The following SLX4 variants were observed in gnomAD, a reference collection of about 807,000 sequenced individuals.
The protein encoded by SLX4 is structure-specific endonuclease subunit SLX4.
A neutral mutation model predicts 146.2 loss-of-function variants in SLX4; 112 were observed. The ratio of observed to expected loss-of-function variants is 0.77; its 90% CI spans 0.66 to 0.90. The LOEUF (loss-of-function observed/expected upper bound fraction) is 0.90. Ranked by LOEUF, SLX4 falls within the 40% of genes least tolerant of loss-of-function variation. The pLI, the probability that SLX4 is intolerant of heterozygous loss-of-function variation, is 0.00. For synonymous variants in SLX4, 1,061 were observed against 997.7 expected, an observed-to-expected ratio of 1.06 and a Z score of -1.20; for missense variants, 2,563 against 2,392.7, an observed-to-expected ratio of 1.07 and a Z score of -1.49.
At position 3,589,939 on chromosome 16, in the gene SLX4, C is replaced by T. The variant is rs753726036; in HGVS notation, c.3699G>A (p.Gly1233=). 1.9e-6 allele frequency: 3 copies of T among 1,613,894 alleles called. No homozygotes were observed. The highest frequency in any genetic ancestry group is 1.1e-5 in the South Asian group (1 of 91,072). ...PENRGSLGRR[G]APWLFCDRES... ...CACGGTCACAGAACAGCCAGGGAGCCCCTCTCCTGCCCAAAGAGCCCCGAT... is the reference window on the plus strand; with the variant it reads ...CACGGTCACAGAACAGCCAGGGAGCTCCTCTCCTGCCCAAAGAGCCCCGAT... The change falls in exon 12 of 15, where the codon GGG becomes GGA. Residue 1233 remains glycine, a synonymous_variant. Transcript: ENST00000294008. The surrounding 1 kb of genome is among the most constrained non-coding windows in gnomAD (Gnocchi z 6.2).
intron 12 of SLX4, among the ~76,000 whole-genome samples, chr16:3,587,782 G>A (rs935639995): frequency 6.6e-6 from 1 of 152,186 alleles, no homozygotes. Flanking sequence ...CCTGAGGGCC[G>A]AGGACACTAT....
Position 3,582,700 on chromosome 16 carries a change from A to C in SLX4, c.5154-7T>G, listed in dbSNP as rs773497338. 1 of 1,609,572 alleles carries C rather than the reference A, an allele frequency of 6.2e-7. No homozygotes were observed. Among genetic ancestry groups the C allele is most frequent in the East Asian group, 2.2e-5 (1 of 44,850 alleles). ...AAACTCACAGGAGGAAGAACTGAAAAGAGCCAGACCAGGACGTTGTGCAAC... is the reference window on the plus strand; with the variant it reads ...AAACTCACAGGAGGAAGAACTGAAACGAGCCAGACCAGGACGTTGTGCAAC... On this transcript the variant is annotated splice_region_variant and splice_polypyrimidine_tract_variant and intron_variant, in intron 14 of 14. Coordinates refer to ENST00000294008, the MANE Select transcript of SLX4 (RefSeq NM_032444.4).
chr16:3,590,176 T>C lies in SLX4; in HGVS notation c.3462A>G (p.Leu1154=). The C allele has an allele frequency of 6.2e-7, 1 of 1,614,152 alleles. No homozygotes were observed. Among genetic ancestry groups the C allele is most frequent in the Non-Finnish European group, 8.5e-7 (1 of 1,180,008 alleles). Residue 1154 remains leucine (L), a synonymous_variant, in exon 12 of 15, where the codon TTA becomes TTG. Coordinates refer to ENST00000294008, the MANE Select transcript of SLX4 (RefSeq NM_032444.4). The surrounding 1 kb of genome is among the most constrained non-coding windows in gnomAD (Gnocchi z 4.8). ...GCTCCAGCTCCTCATCCGAGTCCAGTAAGAGGATGACCTCATCTTCTTCGT... is the reference window on the plus strand; with the variant it reads ...GCTCCAGCTCCTCATCCGAGTCCAGCAAGAGGATGACCTCATCTTCTTCGT... ...KLNEEDEVIL[L]LDSDEELELE... is the part of the protein sequence containing the mutation.
Position 3,597,668 on chromosome 16 carries a change from G to A in SLX4, c.1394C>T (p.Pro465Leu), listed in dbSNP as rs372128800. The A allele has an allele frequency of 5.1e-5, 82 of 1,613,776 alleles. No homozygotes were observed. The highest frequency in any genetic ancestry group is 4.5e-4 in the African/African-American group (34 of 74,888). Residue 465 changes from proline (P) to leucine (L), a missense_variant, in exon 7 of 15, where the codon CCG (proline) becomes CTG (leucine). Pro to Leu is a moderately conservative substitution (Grantham distance 98). Coordinates refer to ENST00000294008, the MANE Select transcript of SLX4 (RefSeq NM_032444.4). This position sits in a 1 kb window ranked among gnomAD's most constrained non-coding sequence, Gnocchi z 4.4. ...AENKSRKKKP[P>L]VSPPLLLVQD... ...GACTAACAACAATGGGGGGGATACC[G>A]GGGGTTTCTTCTTGCGACTTTTATT...
Position 3,582,322 on chromosome 16 carries a change from G to T in SLX4, c.*20C>A. 6.3e-7 allele frequency: 1 copy of T among 1,599,362 alleles called. No individual in the cohort carries two copies. The highest frequency in any genetic ancestry group is 1.1e-5 in the South Asian group (1 of 90,812). On this transcript the variant is annotated 3_prime_UTR_variant, in exon 15 of 15. Coordinates refer to ENST00000294008, the MANE Select transcript of SLX4 (RefSeq NM_032444.4). The stretch of plus-strand genomic sequence containing the variant: ...TGGGGGCTGCTGATGGCAGGTTGGG[G>T]TGGGGTCGGGATGGCCCCATCAGTT...
Position 3,609,064 on chromosome 16 carries a change from C to A in SLX4, c.-100G>T, listed in dbSNP as rs889858186. 3 of 1,404,832 alleles carry A rather than the reference C, an allele frequency of 2.1e-6. No homozygotes were observed. Among genetic ancestry groups the A allele is most frequent in the African/African-American group, 2.8e-5 (2 of 70,442 alleles). The allele number at this position is 1,404,832 out of a possible 1,614,324, so 87.0% of individuals were successfully genotyped here. ...CTATAATGATTGAAGTATCTTTGTT[C>A]AAATTGGGCCTGTGGTTAAACATGT... On this transcript the variant is annotated 5_prime_UTR_variant, in exon 2 of 15. Coordinates refer to ENST00000294008, the MANE Select transcript of SLX4 (RefSeq NM_032444.4).
At chr16:3,596,511 C>T in intron 7 of SLX4, 118 bp from the exon 8 acceptor site, 2 of 1,282,882 alleles carry the variant, frequency 1.6e-6, no homozygotes, top group Non-Finnish European at 2.1e-6. Context: ...AGGATGTGGG[C>T]TGTGGGGACA....
chr16:3,603,213 G>C (rs1414138345), intron 3 of SLX4, among the ~76,000 whole-genome samples: 1 of 152,146 alleles, frequency 6.6e-6, no homozygotes, highest in Admixed American at 6.5e-5. Flanking sequence ...ACCACACCTG[G>C]CTAATTTTTA....
At chr16:3,595,356 G>A (rs2040639228) in intron 9 of SLX4, among the ~76,000 whole-genome samples, 1 of 152,224 alleles carries the variant, frequency 6.6e-6, no homozygotes, top group Non-Finnish European at 1.5e-5. Context: ...ACCCCAAGGT[G>A]CCCCATGGAG....
intron 11 of SLX4, among the ~76,000 whole-genome samples, chr16:3,592,380 C>T (rs1479883443): frequency 1.3e-5 from 2 of 152,236 alleles, no homozygotes; most frequent in Non-Finnish European, 2.9e-5. Context: ...GGAACAATCA[C>T]TGAGCAGCAG....
Position 3,592,875 on chromosome 16 carries a change from A to T in SLX4, c.2161-10T>A. The T allele has an allele frequency of 6.2e-7, 1 of 1,608,274 alleles. No individual in the cohort carries two copies. Among genetic ancestry groups the T allele is most frequent in the Non-Finnish European group, 8.5e-7 (1 of 1,177,368 alleles). ...AGCCTTCATTGTTCACCTGCAGGTGAAATGCAACACAGAGGGTTTACTGAT... is the reference window on the plus strand; with the variant it reads ...AGCCTTCATTGTTCACCTGCAGGTGTAATGCAACACAGAGGGTTTACTGAT... On this transcript the variant is annotated splice_polypyrimidine_tract_variant and intron_variant, in intron 10 of 14. Coordinates refer to ENST00000294008, the MANE Select transcript of SLX4 (RefSeq NM_032444.4).
intron 2 of SLX4, among the ~76,000 whole-genome samples, chr16:3,607,436 AG>A (rs2040799509): frequency 6.6e-6 from 1 of 152,232 alleles, no homozygotes; most frequent in African/African-American, 2.4e-5. Context: ...TATATATGCA[AG>A]GGTAGTTTTC....
chr16:3,588,871 C>T (rs1240169847), intron 12 of SLX4, 131 bp downstream of exon 12: 13 of 1,134,626 alleles, frequency 1.1e-5, no homozygotes, highest in Non-Finnish European at 1.6e-5. Context: ...TGGAAGGCAG[C>T]GGAAGTGTCA....
At chr16:3,583,659 GGTTA>G (rs2040471243) in intron 13 of SLX4, 149 bp from the exon 14 acceptor site, 1 of 848,602 alleles carries the variant, frequency 1.2e-6, no homozygotes, top group South Asian at 1.4e-5. Context: ...GAGCATCAGA[GGTTA>G]GTGTCTATTC....
intron 7 of SLX4, among the ~76,000 whole-genome samples, chr16:3,596,899 T>C (rs2040666635): frequency 6.6e-6 from 1 of 151,450 alleles, no homozygotes; most frequent in East Asian, 1.9e-4. Context: ...CTCGGCTCAC[T>C]GCAACTTCCG....
chr16:3,594,575 C>T lies in SLX4; in HGVS notation c.2038G>A (p.Asp680Asn). The part of the protein sequence containing the change: ...TLLSLGLLVA[D>N]FGAMVNNPHL... ...GGGTTATTGACCATGGCGCCAAAGT[C>T]AGCAACCAGCAGCCCGAGGGAGAGC... is the stretch of plus-strand genomic sequence containing the variant. Residue 680 changes from aspartate (D) to asparagine (N), a missense_variant, in exon 10 of 15, where the codon GAC becomes AAC. Physicochemically the swap from Asp to Asn is conservative, Grantham distance 23. Transcript: ENST00000294008. 1.2e-5 allele frequency: 20 copies of T among 1,614,082 alleles called. No homozygotes were observed. The highest frequency in any genetic ancestry group is 1.7e-5 in the Non-Finnish European group (20 of 1,179,984).
rs1045464630 is a variant in SLX4, at chr16:3,583,207, C to T, written c.5043G>A (p.Ser1681=). ...GGCCTGGAGGTGCCTCCTTGGTGGG[C>T]GACCTGCTTGGGGGTGTGATGCTTT... The part of the protein sequence containing the change: ...HHESITPPSR[S]PTKEAPPGLN... Residue 1681 remains serine, a synonymous_variant, in exon 14 of 15, where the codon TCG becomes TCA. Coordinates refer to ENST00000294008, the MANE Select transcript of SLX4 (RefSeq NM_032444.4). The T allele has an allele frequency of 6.2e-6, 10 of 1,614,146 alleles. No individual in the cohort carries two copies. The highest frequency in any genetic ancestry group is 2.2e-5 in the East Asian group (1 of 44,866).
intron 13 of SLX4, among the ~76,000 whole-genome samples, chr16:3,584,352 T>C (rs1596516407): frequency 6.7e-6 from 1 of 150,256 alleles, no homozygotes; most frequent in African/African-American, 2.5e-5. Flanking sequence ...ACCCGGGAGG[T>C]GGAGGTTGCA....
chr16:3,601,861 T>A (rs1344351997), intron 4 of SLX4: 1 of 473,492 alleles, frequency 2.1e-6, no homozygotes, highest in Non-Finnish European at 3.9e-6. Flanking sequence ...GTGATGAAAA[T>A]AATCCAGAAG....
Sources: allele counts gnomAD v4.1 joint callset (sites outside exome capture counted in the v4.1 genomes callset), GRCh38; gene constraint gnomAD v4.1.1; non-coding constraint Gnocchi (gnomAD v3.1); transcripts MANE v1.5; gene names NCBI Gene and HGNC (gene_info 2026-07-23, HGNC 2026-07-21).